Variants in CATSPERD observed in about 807,000 individuals in gnomAD.
The protein encoded by CATSPERD is catsper channel auxiliary subunit delta.
Under a neutral mutation model 98.1 loss-of-function variants are expected in CATSPERD, and 86 were observed. The observed-to-expected ratio is 0.88, with a 90% CI of 0.74 to 1.05. The LOEUF (loss-of-function observed/expected upper bound fraction) is 1.05, where lower values mean the gene tolerates loss of function less well. CATSPERD is among the 50% of genes least tolerant of loss of function. CATSPERD has a pLI of 0.00. For missense variants in CATSPERD, 995 were observed against 1,005.7 expected (o/e 0.99, Z 0.14); for synonymous variants, 394 against 390.2 (o/e 1.01, Z -0.12).
At chr19:5,778,349 G>C in intron 21 of CATSPERD, 27 bp from the exon 22 acceptor site, 1 of 1,576,088 alleles carries the variant, frequency 6.3e-7, no homozygotes, top group Non-Finnish European at 8.6e-7. Flanking sequence ...ATGCCCAACA[G>C]CCTCTCCCCG....
intron 2 of CATSPERD, among the ~76,000 whole-genome samples, chr19:5,726,944 A>C (rs2055616131): frequency 6.6e-6 from 1 of 152,234 alleles, no homozygotes; most frequent in Non-Finnish European, 1.5e-5. Context: ...CTGTAATCCC[A>C]GCACTTTGGG....
chr19:5,766,335 C>T (rs1003012031), intron 17 of CATSPERD, among the ~76,000 whole-genome samples, 180 bp downstream of exon 17: 12 of 150,794 alleles, frequency 8.0e-5, no homozygotes, highest in Non-Finnish European at 1.8e-4. Flanking sequence ...CCTGCAATCT[C>T]GGCTACTTGG....
At chr19:5,727,703 A>T (rs1568339683) in intron 3 of CATSPERD, among the ~76,000 whole-genome samples, 1 of 152,146 alleles carries the variant, frequency 6.6e-6, no homozygotes, top group African/African-American at 2.4e-5. Flanking sequence ...CCAGATGTGT[A>T]TGGGCTTAGA....
At chr19:5,730,560 T>TAAAATAAATAAA (rs1464963653) in intron 4 of CATSPERD, among the ~76,000 whole-genome samples, 6 of 49,034 alleles carry the variant, frequency 1.2e-4, no homozygotes, top group African/African-American at 5.1e-4. Flanking sequence ...AATAATAAAA[T>TAAAATAAATAAA]AAAATAAATA....
At position 5,739,563 on chromosome 19, in the gene CATSPERD, G is replaced by A. The variant is rs1312646954; in HGVS notation, c.573+124G>A. Reference sequence around the variant, plus strand: ...AGAGTCCAACTGGGACAGGAGTGGTGGCTCATGCCTGTAATCCCAGCACTT... The same window carrying A: ...AGAGTCCAACTGGGACAGGAGTGGTAGCTCATGCCTGTAATCCCAGCACTT... On this transcript the variant is annotated intron_variant, in intron 7 of 21. Coordinates refer to ENST00000381624, the MANE Select transcript of CATSPERD (RefSeq NM_152784.4). 8.7e-6 allele frequency: 5 copies of A among 573,378 alleles called. No individual in the cohort carries two copies. In the Admixed American group the frequency reaches 1.8e-4, roughly 20 times the overall value. The allele number at this position is 573,378 out of a possible 1,614,324, so 35.5% of individuals were successfully genotyped here.
intron 6 of CATSPERD, among the ~76,000 whole-genome samples, chr19:5,738,352 C>CAAAAAAAAAAAAA (rs767298084): frequency 3.8e-5 from 4 of 104,952 alleles, no homozygotes; most frequent in African/African-American, 6.8e-5. Context: ...ACTCAAAATA[C>CAAAAAAAAAAAAA]AAAAAAAAAA....
At chr19:5,755,709 G>A (rs2056311963) in intron 13 of CATSPERD, among the ~76,000 whole-genome samples, 1 of 151,980 alleles carries the variant, frequency 6.6e-6, no homozygotes, top group Admixed American at 6.6e-5. Context: ...GGAGGCGGAG[G>A]TTGCGGTGAG....
intron 17 of CATSPERD, 86 bp from the exon 18 acceptor site, chr19:5,768,082 C>T (rs1599588487): frequency 7.8e-7 from 1 of 1,280,774 alleles, no homozygotes; most frequent in Non-Finnish European, 1.1e-6. Flanking sequence ...AGCCACCACG[C>T]CCAGCCCCTC....
intron 5 of CATSPERD, among the ~76,000 whole-genome samples, chr19:5,735,283 AC>A (rs2055820303): frequency 6.6e-6 from 1 of 151,490 alleles, no homozygotes; most frequent in African/African-American, 2.4e-5. Flanking sequence ...GGTCACAGGC[AC>A]CCGCCACCAC....
At chr19:5,762,658 T>G (rs1162319743) in intron 15 of CATSPERD, among the ~76,000 whole-genome samples, 1 of 148,314 alleles carries the variant, frequency 6.7e-6, no homozygotes. Flanking sequence ...AATGGATAGA[T>G]GGATGAGTGA....
chr19:5,770,138 C>CA (rs1383485999), intron 18 of CATSPERD, among the ~76,000 whole-genome samples: 2 of 143,854 alleles, frequency 1.4e-5, no homozygotes, highest in African/African-American at 5.1e-5. Flanking sequence ...AAAGTAATGG[C>CA]AAAAACCGGC....
intron 21 of CATSPERD, among the ~76,000 whole-genome samples, chr19:5,777,456 C>G (rs1265068067): frequency 1.3e-5 from 2 of 152,214 alleles, no homozygotes; most frequent in Admixed American, 1.3e-4. Flanking sequence ...TCACCCACCA[C>G]TTCCTAGTTG....
intron 2 of CATSPERD, among the ~76,000 whole-genome samples, chr19:5,725,640 G>A (rs2055589674): frequency 6.6e-6 from 1 of 152,112 alleles, no homozygotes; most frequent in Non-Finnish European, 1.5e-5. Flanking sequence ...GGTGGCTTAT[G>A]CCTGTAATCC....
intron 6 of CATSPERD, among the ~76,000 whole-genome samples, chr19:5,738,643 G>A (rs1284227478): frequency 6.6e-6 from 1 of 152,154 alleles, no homozygotes; most frequent in Non-Finnish European, 1.5e-5. Flanking sequence ...GAGTGCAGTG[G>A]CGCAATCTCG....
At chr19:5,768,826 C>G (rs1334265575) in intron 18 of CATSPERD, among the ~76,000 whole-genome samples, 1 of 151,720 alleles carries the variant, frequency 6.6e-6, no homozygotes, top group East Asian at 2.0e-4. Flanking sequence ...GGGCCTCAGT[C>G]AATTTGTGCT....
intron 5 of CATSPERD, among the ~76,000 whole-genome samples, chr19:5,736,819 A>G (rs2055855716): frequency 6.6e-6 from 1 of 152,116 alleles, no homozygotes; most frequent in Admixed American, 6.6e-5. Context: ...GCACTTTGGG[A>G]GGCCGAGGTG....
In CATSPERD at chr19:5,772,857, C is replaced by A. The variant is rs769108282; in HGVS notation, c.1833C>A (p.Phe611Leu). 4.3e-6 allele frequency: 7 copies of A among 1,613,978 alleles called. No homozygotes were observed. The highest frequency in any genetic ancestry group is 2.7e-5 in the African/African-American group (2 of 74,910). ...EYVLLEVNGQ[F>L]SYSYSLTAQS... is the part of the protein sequence containing the mutation. ...TGTTACTGGAGGTGAACGGGCAGTT[C>A]TCATACTCCTATTCCCTGACGGCCC... Residue 611 changes from phenylalanine (F) to leucine (L), a missense_variant, in exon 20 of 22, where the codon TTC becomes TTA. This residue lies in a region of CATSPERD where 762 missense variants were observed against 773.7 expected (regional missense o/e 0.98). Transcript: ENST00000381624.
At chr19:5,777,252 G>A (rs1477952236) in intron 21 of CATSPERD, among the ~76,000 whole-genome samples, 1 of 151,914 alleles carries the variant, frequency 6.6e-6, no homozygotes, top group African/African-American at 2.4e-5. Flanking sequence ...CCCAGACTAG[G>A]AGGATCAGCT....
intron 17 of CATSPERD, among the ~76,000 whole-genome samples, chr19:5,767,611 C>A (rs986833280): frequency 1.3e-5 from 2 of 151,030 alleles, no homozygotes; most frequent in East Asian, 4.0e-4. Context: ...CCTCAGCCTC[C>A]GAGTAGCTGG....
Sources: allele counts gnomAD v4.1 joint callset (sites outside exome capture counted in the v4.1 genomes callset), GRCh38; gene constraint gnomAD v4.1.1; regional missense constraint gnomAD v4.1.1; transcripts MANE v1.5; gene names NCBI Gene and HGNC (gene_info 2026-07-23, HGNC 2026-07-21).